ZNF475: variants seen among roughly 807,000 people sequenced by gnomAD.
The protein encoded by ZNF475 is zinc finger protein 475.
the ZNF475 span, among the ~76,000 whole-genome samples, chr5:122,178,292 T>C: frequency 6.6e-6 from 1 of 152,234 alleles, no homozygotes; most frequent in Non-Finnish European, 1.5e-5. Context: ...ATGGTATTTC[T>C]GGTTCTAGAT....
At chr5:122,161,749 C>T in the ZNF475 span, among the ~76,000 whole-genome samples, 1 of 152,098 alleles carries the variant, frequency 6.6e-6, no homozygotes, top group Non-Finnish European at 1.5e-5. Context: ...CTCCATTTTA[C>T]TCTGTGACCT....
At chr5:122,163,969 A>G in the ZNF475 span, among the ~76,000 whole-genome samples, 1 of 151,794 alleles carries the variant, frequency 6.6e-6, no homozygotes, top group East Asian at 1.9e-4. Context: ...TTTTCTCTCT[A>G]AAATACCTCT....
the ZNF475 span, among the ~76,000 whole-genome samples, chr5:122,169,059 G>T: frequency 6.6e-6 from 1 of 152,220 alleles, no homozygotes; most frequent in South Asian, 2.1e-4. Context: ...TCCATCCTAT[G>T]TGGAACAGAT....
At chr5:122,175,673 A>G in the ZNF475 span, among the ~76,000 whole-genome samples, 2 of 152,246 alleles carry the variant, frequency 1.3e-5, no homozygotes, top group South Asian at 4.1e-4. Flanking sequence ...TCACTTCTCT[A>G]CAAACACCTT....
chr5:122,174,188 C>T, the ZNF475 span, among the ~76,000 whole-genome samples: 7 of 151,180 alleles, frequency 4.6e-5, no homozygotes, highest in African/African-American at 1.5e-4. Context: ...CTCTTCTTTC[C>T]GTTCCTTCTC....
At chr5:122,173,028 G>A in the ZNF475 span, among the ~76,000 whole-genome samples, 2 of 151,182 alleles carry the variant, frequency 1.3e-5, no homozygotes, top group Non-Finnish European at 2.9e-5. Context: ...GCGAGACTCC[G>A]TCTCAGAAAA....
chr5:122,163,644 GAC>G, the ZNF475 span, among the ~76,000 whole-genome samples: 1 of 152,224 alleles, frequency 6.6e-6, no homozygotes, highest in Admixed American at 6.5e-5. Context: ...TTGATGGAAT[GAC>G]ACACATTCAA....
At chr5:122,173,187 C>G in the ZNF475 span, among the ~76,000 whole-genome samples, 3 of 152,072 alleles carry the variant, frequency 2.0e-5, no homozygotes, top group African/African-American at 7.2e-5. Flanking sequence ...TTCCTTCTGA[C>G]CAATTGTCAT....
chr5:122,169,074 C>T, the ZNF475 span, among the ~76,000 whole-genome samples: 1 of 152,180 alleles, frequency 6.6e-6, no homozygotes, highest in Non-Finnish European at 1.5e-5. Context: ...ACAGATTGAT[C>T]CTCACTTGTA....
chr5:122,171,434 T>G, the ZNF475 span, among the ~76,000 whole-genome samples: 5 of 152,258 alleles, frequency 3.3e-5, no homozygotes, highest in African/African-American at 1.2e-4. Context: ...TTCATAGAAG[T>G]GAGGTTATCA....
At chr5:122,175,019 G>A in the ZNF475 span, among the ~76,000 whole-genome samples, 1 of 151,878 alleles carries the variant, frequency 6.6e-6, no homozygotes, top group African/African-American at 2.4e-5. Context: ...CTACCATATG[G>A]CTAAGAAAAA....
At chr5:122,176,797 T>C in the ZNF475 span, among the ~76,000 whole-genome samples, 5,683 of 152,276 alleles carry the variant, frequency 0.037, 342 homozygotes, top group African/African-American at 0.13. Flanking sequence ...GGCCTTTTAG[T>C]TCATCTATTT....
the ZNF475 span, among the ~76,000 whole-genome samples, chr5:122,166,862 G>C: frequency 1.3e-5 from 2 of 152,180 alleles, no homozygotes; most frequent in East Asian, 3.9e-4. Flanking sequence ...CCAGTAATGG[G>C]ATGGCTGGGT....
the ZNF475 span, among the ~76,000 whole-genome samples, chr5:122,177,124 C>G: frequency 6.6e-6 from 1 of 152,284 alleles, no homozygotes; most frequent in South Asian, 2.1e-4. Flanking sequence ...GGTACAATCA[C>G]TCTGGGGACT....
the ZNF475 span, among the ~76,000 whole-genome samples, chr5:122,171,247 G>C: frequency 6.6e-6 from 1 of 151,968 alleles, no homozygotes; most frequent in Non-Finnish European, 1.5e-5. Flanking sequence ...ATTAGCTTTT[G>C]ACTCCAGAGC....
At chr5:122,170,816 G>A in the ZNF475 span, among the ~76,000 whole-genome samples, 4 of 152,092 alleles carry the variant, frequency 2.6e-5, no homozygotes, top group African/African-American at 7.2e-5. Flanking sequence ...AGCTGTCTGG[G>A]CGGTCCTAGC....
chr5:122,166,426 A>G, the ZNF475 span, among the ~76,000 whole-genome samples: 1 of 151,974 alleles, frequency 6.6e-6, no homozygotes, highest in East Asian at 1.9e-4. Context: ...TATATGTGCC[A>G]TGTTGGTGTG....
At chr5:122,161,383 C>T in the ZNF475 span, among the ~76,000 whole-genome samples, 8 of 152,128 alleles carry the variant, frequency 5.3e-5, no homozygotes, top group Non-Finnish European at 1.2e-4. Context: ...TCACTGGTCC[C>T]ATGTTAAAGC....
chr5:122,179,561 A>G, the ZNF475 span: 1 of 1,506,856 alleles, frequency 6.6e-7, no homozygotes, highest in Non-Finnish European at 8.8e-7. Context: ...CAACAATGAT[A>G]CGGCGTCCAC....
Sources: gnomAD v4.1 joint callset for allele counts (sites outside exome capture counted in the v4.1 genomes callset) on GRCh38, gnomAD v4.1.1 for gene constraint, MANE v1.5 for transcripts, NCBI Gene and HGNC (gene_info 2026-07-23, HGNC 2026-07-21) for gene names.